GFRA1: variants seen among roughly 807,000 people sequenced by gnomAD.
GFRA1 encodes GDNF family receptor alpha-1.
A neutral mutation model predicts 51.6 loss-of-function variants in GFRA1; 16 were observed. The observed-to-expected ratio is 0.31, with a 90% CI of 0.21 to 0.47. GFRA1 has a LOEUF of 0.47. Ranked by LOEUF, GFRA1 falls within the 20% of genes least tolerant of loss-of-function variation. The pLI is 1.00. For synonymous variants in GFRA1, 270 were observed against 241.3 expected (o/e 1.12, Z -1.10); for missense variants, 530 against 594.3 (o/e 0.89, Z 1.13).
chr10:116,121,070 A>C (rs952890850), intron 6 of GFRA1, among the ~76,000 whole-genome samples: 3 of 152,186 alleles, frequency 2.0e-5, no homozygotes, highest in African/African-American at 7.2e-5. Context: ...CTGGTAATGA[A>C]GAATAGCTGA....
chr10:116,206,013 G>A (rs757076522), intron 5 of GFRA1, among the ~76,000 whole-genome samples: 1 of 151,450 alleles, frequency 6.6e-6, no homozygotes, highest in Non-Finnish European at 1.5e-5. Flanking sequence ...TGTTCTGTTT[G>A]TGCCAGAAAG....
chr10:116,184,806 T>C (rs191744760), intron 5 of GFRA1, among the ~76,000 whole-genome samples: 95 of 152,182 alleles, frequency 6.2e-4, no homozygotes, highest in Non-Finnish European at 1.1e-3. Flanking sequence ...CCTGGCTGTT[T>C]AACCAGAGCC....
At chr10:116,250,234 G>C (rs902886580) in intron 4 of GFRA1, among the ~76,000 whole-genome samples, 1 of 152,182 alleles carries the variant, frequency 6.6e-6, no homozygotes, top group African/African-American at 2.4e-5. Flanking sequence ...GTATTCAGGG[G>C]TTGAACCTTC....
chr10:116,109,221 A>T (rs1344282752), intron 6 of GFRA1, among the ~76,000 whole-genome samples: 3 of 152,158 alleles, frequency 2.0e-5, no homozygotes, highest in African/African-American at 7.2e-5. Flanking sequence ...AGGTTTTGGA[A>T]AGAAGCCGCA....
intron 4 of GFRA1, among the ~76,000 whole-genome samples, chr10:116,254,390 G>A (rs1044215551): frequency 6.6e-6 from 1 of 151,280 alleles, no homozygotes; most frequent in African/African-American, 2.4e-5. Flanking sequence ...AGCATCTCCT[G>A]GTTAGACATG....
intron 6 of GFRA1, among the ~76,000 whole-genome samples, chr10:116,118,155 A>C (rs1957504244): frequency 6.6e-6 from 1 of 152,194 alleles, no homozygotes; most frequent in Non-Finnish European, 1.5e-5. Flanking sequence ...AAATGTATTC[A>C]TTCAGTAAAG....
intron 9 of GFRA1, among the ~76,000 whole-genome samples, chr10:116,070,042 G>A (rs1565552085): frequency 1.3e-5 from 2 of 152,110 alleles, no homozygotes; most frequent in Admixed American, 6.5e-5. Context: ...CCTCCTCCAC[G>A]CATAAGAAAA....
intron 2 of GFRA1, among the ~76,000 whole-genome samples, chr10:116,271,744 C>A (rs1398327962): frequency 2.0e-5 from 3 of 152,200 alleles, no homozygotes; most frequent in South Asian, 2.1e-4. Context: ...CTTAGTCCCC[C>A]GCCAAGTTGG....
chr10:116,250,916 A>G (rs1968290236), intron 4 of GFRA1, among the ~76,000 whole-genome samples: 1 of 152,228 alleles, frequency 6.6e-6, no homozygotes, highest in South Asian at 2.1e-4. Flanking sequence ...GGAATGCACC[A>G]GGCTTGGCCC....
At chr10:116,077,119 G>T (rs1955651581) in intron 9 of GFRA1, among the ~76,000 whole-genome samples, 1 of 152,226 alleles carries the variant, frequency 6.6e-6, no homozygotes, top group South Asian at 2.1e-4. Context: ...TCTGTAAAAT[G>T]AAAATCTTCT....
At chr10:116,075,256 G>C (rs1955567374) in intron 9 of GFRA1, among the ~76,000 whole-genome samples, 1 of 152,058 alleles carries the variant, frequency 6.6e-6, no homozygotes, top group East Asian at 1.9e-4. Context: ...ATAAATGAGT[G>C]ATCAAACAAT....
intron 5 of GFRA1, among the ~76,000 whole-genome samples, chr10:116,200,220 G>A (rs955296417): frequency 2.6e-5 from 4 of 152,152 alleles, no homozygotes; most frequent in African/African-American, 9.7e-5. Flanking sequence ...TTTCTCTGGG[G>A]CCTGGGTGAG....
At chr10:116,117,725 T>C (rs1304360992) in intron 6 of GFRA1, among the ~76,000 whole-genome samples, 1 of 151,930 alleles carries the variant, frequency 6.6e-6, no homozygotes, top group Admixed American at 6.6e-5. Context: ...AATAGATGGA[T>C]GATGGACAGA....
intron 6 of GFRA1, among the ~76,000 whole-genome samples, chr10:116,112,059 G>A (rs1460583657): frequency 2.0e-5 from 3 of 152,158 alleles, no homozygotes; most frequent in South Asian, 2.1e-4. Context: ...TGGTCCAATA[G>A]GAAAAAAGCA....
intron 5 of GFRA1, among the ~76,000 whole-genome samples, chr10:116,208,771 G>C (rs946269920): frequency 6.6e-6 from 1 of 152,234 alleles, no homozygotes; most frequent in African/African-American, 2.4e-5. Flanking sequence ...ACGTGCTTCA[G>C]TAACTTCAAA....
chr10:116,234,545 C>T (rs79521943), intron 4 of GFRA1, among the ~76,000 whole-genome samples: 22,753 of 152,246 alleles, frequency 0.15, 2,102 homozygotes, highest in African/African-American at 0.26. Context: ...AACCTAGTCA[C>T]GGCCCTCTGG....
At chr10:116,236,864 T>C (rs897325043) in intron 4 of GFRA1, among the ~76,000 whole-genome samples, 4 of 152,234 alleles carry the variant, frequency 2.6e-5, no homozygotes, top group Admixed American at 6.5e-5. Context: ...TTACTTCTTA[T>C]ATGCAACTTT....
intron 5 of GFRA1, among the ~76,000 whole-genome samples, chr10:116,200,355 A>C (rs1161147686): frequency 6.6e-6 from 1 of 152,184 alleles, no homozygotes; most frequent in African/African-American, 2.4e-5. Flanking sequence ...CCTGGGTCTG[A>C]ACTCAGATTC....
At chr10:116,230,580 G>A (rs1966614342) in intron 4 of GFRA1, among the ~76,000 whole-genome samples, 3 of 152,162 alleles carry the variant, frequency 2.0e-5, no homozygotes, top group Admixed American at 2.0e-4. Flanking sequence ...AGCTAGTGTA[G>A]GGAAGAGTTC....
Sources: allele counts gnomAD v4.1 joint callset (sites outside exome capture counted in the v4.1 genomes callset), GRCh38; gene constraint gnomAD v4.1.1; transcripts MANE v1.5; gene names NCBI Gene and HGNC (gene_info 2026-07-23, HGNC 2026-07-21).